ADGRL2: variants seen among roughly 807,000 people sequenced by gnomAD.
The protein encoded by ADGRL2 is adhesion G protein-coupled receptor L2, also known as calcium-independent alpha-latrotoxin receptor 2.
In ADGRL2, 44 loss-of-function variants were observed where a neutral mutation model predicts 157.4. That is an observed-to-expected ratio of 0.28 (90% confidence interval 0.22 to 0.36). The LOEUF is 0.36. Ranked by LOEUF, ADGRL2 falls within the 10% of genes least tolerant of loss-of-function variation. The pLI, the probability that ADGRL2 is intolerant of heterozygous loss-of-function variation, is 1.00. For synonymous variants in ADGRL2, 585 were observed against 624.7 expected (o/e 0.94, Z 0.95); for missense variants, 1,510 against 1,768.9 (o/e 0.85, Z 2.63).
At chr1:81,621,611 G>A (rs922121503) in intron 3 of ADGRL2, among the ~76,000 whole-genome samples, 16 of 152,132 alleles carry the variant, frequency 1.1e-4, no homozygotes, top group Non-Finnish European at 5.9e-5. Context: ...AAATGAGCTT[G>A]GAAGTGGATT....
In ADGRL2 at chr1:81,722,778, G is replaced by A. The variant is rs2084378148; in HGVS notation, c.-143+22970G>A. 3 of 766,022 alleles carry A rather than the reference G, an allele frequency of 3.9e-6. No homozygotes were observed. In the Middle Eastern group the frequency reaches 1.1e-3, roughly 287 times the overall value. 47.5% of individuals were successfully genotyped at this position (766,022 alleles called of 1,614,324 possible). A position where few individuals can be genotyped will look rare whatever the true frequency, so the allele number is the denominator to read the frequency against. ...CTCAAGAAGAGCATGAGAGAGCCCG[G>A]AGGGAGGAAGAAGCCAGACCACAGT... On this transcript the variant is annotated intron_variant, in intron 1 of 20. Transcript: ENST00000359929.
intron 3 of ADGRL2, among the ~76,000 whole-genome samples, chr1:81,639,104 G>A (rs1284829275): frequency 2.0e-5 from 3 of 152,170 alleles, no homozygotes; most frequent in Non-Finnish European, 4.4e-5. Flanking sequence ...GAGTCTCACT[G>A]TATTGCCCAG....
intron 2 of ADGRL2, among the ~76,000 whole-genome samples, chr1:81,490,613 A>T (rs2078611336): frequency 6.6e-6 from 1 of 152,176 alleles, no homozygotes; most frequent in Non-Finnish European, 1.5e-5. Context: ...TACTACTAAC[A>T]CCCACAAAAT....
upstream of ADGRL2, among the ~76,000 whole-genome samples, chr1:81,797,492 T>C (rs1328509906): frequency 6.6e-6 from 1 of 152,178 alleles, no homozygotes; most frequent in East Asian, 1.9e-4. Flanking sequence ...CTGACCCTTT[T>C]AGAAGTGTCT....
chr1:81,574,472 A>T (rs1319879303), intron 2 of ADGRL2, among the ~76,000 whole-genome samples: 1 of 152,174 alleles, frequency 6.6e-6, no homozygotes, highest in Non-Finnish European at 1.5e-5. Flanking sequence ...TGAATGGGCA[A>T]CTGGGACAGA....
intron 1 of ADGRL2, among the ~76,000 whole-genome samples, chr1:81,802,142 C>T (rs1406967055): frequency 2.0e-5 from 3 of 151,204 alleles, no homozygotes; most frequent in African/African-American, 7.3e-5. Flanking sequence ...CGGCCCTCTC[C>T]GGCCGGGGTA....
intron 2 of ADGRL2, among the ~76,000 whole-genome samples, chr1:81,491,748 T>C (rs11163316): frequency 0.15 from 22,246 of 152,156 alleles, 3,020 homozygotes; most frequent in African/African-American, 0.36. Flanking sequence ...CGGTGGTGGG[T>C]GCTGCTAATT....
intron 1 of ADGRL2, among the ~76,000 whole-genome samples, chr1:81,835,602 C>T (rs1168658325): frequency 1.3e-5 from 2 of 152,016 alleles, no homozygotes; most frequent in African/African-American, 4.8e-5. Context: ...TTGGATACAT[C>T]ATTCTTTTTG....
intron 11 of ADGRL2, among the ~76,000 whole-genome samples, chr1:81,958,026 G>C (rs918466195): frequency 6.6e-6 from 1 of 151,762 alleles, no homozygotes; most frequent in Non-Finnish European, 1.5e-5. Context: ...ATGGGAGGCC[G>C]AGGTGGATGG....
At chr1:81,744,208 C>T (rs1387782310) in intron 1 of ADGRL2, among the ~76,000 whole-genome samples, 1 of 152,076 alleles carries the variant, frequency 6.6e-6, no homozygotes, top group Non-Finnish European at 1.5e-5. Context: ...AAGACATGCT[C>T]ACAATTTCAT....
chr1:81,530,887 A>G (rs1162236429), intron 2 of ADGRL2, among the ~76,000 whole-genome samples: 1 of 152,030 alleles, frequency 6.6e-6, no homozygotes, highest in Non-Finnish European at 1.5e-5. Context: ...GTTCGAGACC[A>G]ACCTGGCCAA....
chr1:81,693,486 T>C (rs1236855780), intron 3 of ADGRL2, among the ~76,000 whole-genome samples: 4 of 152,216 alleles, frequency 2.6e-5, no homozygotes, highest in African/African-American at 9.6e-5. Context: ...AGGTCTATGT[T>C]GGGTGACACA....
At chr1:81,372,783 TTA>T (rs373963552) in intron 1 of ADGRL2, among the ~76,000 whole-genome samples, 244 of 152,330 alleles carry the variant, frequency 1.6e-3, no homozygotes, top group African/African-American at 5.5e-3. Context: ...ACCTGTCTAC[TTA>T]TATGTCTGAC....
At chr1:81,522,114 A>G (rs11163324) in intron 2 of ADGRL2, among the ~76,000 whole-genome samples, 59,778 of 151,608 alleles carry the variant, frequency 0.39, 16,156 homozygotes, top group African/African-American at 0.77. Flanking sequence ...ACAGGCGCAC[A>G]CCACTGTACC....
chr1:81,310,840 T>C (rs1659701576), intron 1 of ADGRL2, among the ~76,000 whole-genome samples: 1 of 133,496 alleles, frequency 7.5e-6, no homozygotes, highest in Non-Finnish European at 1.7e-5. Context: ...GGTTGTTCTC[T>C]CCTTGAAAGA....
chr1:81,626,017 G>A (rs1401016800), intron 3 of ADGRL2, among the ~76,000 whole-genome samples: 5 of 151,946 alleles, frequency 3.3e-5, no homozygotes, highest in African/African-American at 7.3e-5. Context: ...TTTTTCCTCC[G>A]CGACACAATA....
chr1:81,681,043 A>G (rs1207080782), intron 3 of ADGRL2, among the ~76,000 whole-genome samples: 1 of 152,230 alleles, frequency 6.6e-6, no homozygotes, highest in Non-Finnish European at 1.5e-5. Context: ...GAAAGTAATG[A>G]GGATCAAGAA....
At chr1:81,912,017 A>G in intron 3 of ADGRL2, among the ~76,000 whole-genome samples, 1 of 151,720 alleles carries the variant, frequency 6.6e-6, no homozygotes, top group East Asian at 1.9e-4. Context: ...TAAAGGTAGC[A>G]CCTGACTAGA....
At chr1:81,530,511 T>G (rs1036550635) in intron 2 of ADGRL2, among the ~76,000 whole-genome samples, 10 of 151,854 alleles carry the variant, frequency 6.6e-5, no homozygotes, top group African/African-American at 2.4e-4. Context: ...CCACACCAGC[T>G]AATTGTTTTG....
Sources: gnomAD v4.1 joint callset for allele counts (sites outside exome capture counted in the v4.1 genomes callset) on GRCh38, gnomAD v4.1.1 for gene constraint, MANE v1.5 for transcripts, NCBI Gene and HGNC (gene_info 2026-07-23, HGNC 2026-07-21) for gene names.